Variants in CLOCK observed in about 807,000 individuals in gnomAD.
CLOCK encodes the protein clock circadian regulator.
A neutral mutation model predicts 118.4 loss-of-function variants in CLOCK; 43 were observed. The ratio of observed to expected loss-of-function variants is 0.36; its 90% CI spans 0.28 to 0.47. The LOEUF is 0.47. Ranked by LOEUF, CLOCK falls within the 20% of genes least tolerant of loss-of-function variation. CLOCK has a pLI of 1.00. For synonymous variants in CLOCK, 326 were observed against 339.2 expected (o/e 0.96, Z 0.43); for missense variants, 846 against 999.9 (o/e 0.85, Z 2.08).
At chr4:55,445,295 C>T (rs941577780) in intron 18 of CLOCK, among the ~76,000 whole-genome samples, 1 of 152,128 alleles carries the variant, frequency 6.6e-6, no homozygotes, top group African/African-American at 2.4e-5. Context: ...GGTGGCTTTC[C>T]AGCAAGTCTC....
Position 55,469,732 on chromosome 4 carries a change from G to C in CLOCK, c.438+985C>G, listed in dbSNP as rs556735598. 3.3e-5 allele frequency among the ~76,000 whole-genome samples: 5 copies of C among 152,172 alleles called. No homozygotes were observed. The East Asian group carries it at 9.7e-4, about 29-fold the overall frequency. ...ATGATATATTTGTGTTTCTGAGGCAGGGTCTTGCTCTGTCACCCAGGCTGG... is the reference window on the plus strand; with the variant it reads ...ATGATATATTTGTGTTTCTGAGGCACGGTCTTGCTCTGTCACCCAGGCTGG... On this transcript the variant is annotated intron_variant, in intron 8 of 22. Transcript: ENST00000513440.
At chr4:55,500,599 C>T (rs547277571) in intron 2 of CLOCK, among the ~76,000 whole-genome samples, 18 of 152,268 alleles carry the variant, frequency 1.2e-4, no homozygotes, top group African/African-American at 3.1e-4. Flanking sequence ...AATCCTCCTG[C>T]CGTGACCTCC....
At chr4:55,535,804 C>A (rs1322704455) in intron 1 of CLOCK, among the ~76,000 whole-genome samples, 1 of 137,954 alleles carries the variant, frequency 7.2e-6, no homozygotes, top group Non-Finnish European at 1.5e-5. Context: ...AGTGCAGTGG[C>A]ACAATCTTGG....
intron 2 of CLOCK, among the ~76,000 whole-genome samples, chr4:55,509,162 C>T (rs1728989715): frequency 6.6e-6 from 1 of 152,150 alleles, no homozygotes; most frequent in Non-Finnish European, 1.5e-5. Flanking sequence ...TGTTACCAGG[C>T]AATAGCAATT....
chr4:55,523,529 C>T, intron 1 of CLOCK, among the ~76,000 whole-genome samples: 1 of 152,084 alleles, frequency 6.6e-6, no homozygotes, highest in South Asian at 2.1e-4. Context: ...CATATCACAA[C>T]CAAATTTTTA....
At chr4:55,488,669 T>A (rs558959360) in intron 3 of CLOCK, among the ~76,000 whole-genome samples, 4 of 152,166 alleles carry the variant, frequency 2.6e-5, no homozygotes, top group Admixed American at 6.5e-5. Context: ...CAATTAAAAT[T>A]CCCCTTTTTC....
intron 18 of CLOCK, among the ~76,000 whole-genome samples, 178 bp downstream of exon 18, chr4:55,448,601 C>CGCGCGTGT (rs764071880): frequency 0.023 from 2,675 of 116,840 alleles, 45 homozygotes; most frequent in South Asian, 0.048. Flanking sequence ...CGCACGCGCG[C>CGCGCGTGT]GTGTGTGTGT....
intron 1 of CLOCK, among the ~76,000 whole-genome samples, chr4:55,520,221 C>T (rs988385589): frequency 6.6e-6 from 1 of 152,158 alleles, no homozygotes; most frequent in African/African-American, 2.4e-5. Context: ...AGGCCACCAA[C>T]AAAAACAACC....
intron 22 of CLOCK, among the ~76,000 whole-genome samples, chr4:55,437,485 T>C (rs151210118): frequency 2.9e-4 from 44 of 152,336 alleles, no homozygotes; most frequent in Non-Finnish European, 5.0e-4. Context: ...CTGTATCCTA[T>C]AGATAAGGAG....
At chr4:55,504,250 C>A (rs189466991) in intron 2 of CLOCK, among the ~76,000 whole-genome samples, 86 of 139,558 alleles carry the variant, frequency 6.2e-4, no homozygotes, top group African/African-American at 2.3e-3. Flanking sequence ...CGCACCACTG[C>A]ACTCCAGCCT....
At chr4:55,475,287 C>T (rs1460252919) in intron 7 of CLOCK, among the ~76,000 whole-genome samples, 1 of 152,158 alleles carries the variant, frequency 6.6e-6, no homozygotes, top group Admixed American at 6.5e-5. Context: ...CTGATTGCTG[C>T]AATCTGCTAA....
intron 19 of CLOCK, 33 bp from the exon 20 acceptor site, chr4:55,443,929 T>G (rs1416252642): frequency 6.3e-7 from 1 of 1,584,698 alleles, no homozygotes; most frequent in Non-Finnish European, 8.6e-7. Context: ...AAAATGAGCT[T>G]TGTAGATTGA....
intron 15 of CLOCK, among the ~76,000 whole-genome samples, chr4:55,451,019 T>C (rs566074812): frequency 6.6e-6 from 1 of 151,770 alleles, no homozygotes; most frequent in African/African-American, 2.4e-5. Context: ...TATACAAACA[T>C]GCTGTTATTT....
chr4:55,541,582 A>T (rs1731269985), intron 1 of CLOCK, among the ~76,000 whole-genome samples: 1 of 152,200 alleles, frequency 6.6e-6, no homozygotes, highest in Admixed American at 6.5e-5. Flanking sequence ...TGTGTGGAAG[A>T]GGTGACATAA....
chr4:55,495,877 C>T (rs921965485), intron 2 of CLOCK, among the ~76,000 whole-genome samples: 1 of 140,194 alleles, frequency 7.1e-6, no homozygotes, highest in Non-Finnish European at 1.6e-5. Flanking sequence ...AGACAAAAAA[C>T]ACAAACTTTT....
At chr4:55,454,641 GT>G (rs1205966525) in intron 13 of CLOCK, among the ~76,000 whole-genome samples, 2 of 148,254 alleles carry the variant, frequency 1.3e-5, no homozygotes, top group East Asian at 4.0e-4. Flanking sequence ...AAAAAAAAGG[GT>G]TTGTAGTTAA....
At position 55,448,793 on chromosome 4, in the gene CLOCK, G is replaced by C. The variant is rs1383100019; in HGVS notation, c.1525C>G (p.Gln509Glu). The change falls in exon 18 of 23, where the codon CAA (glutamine) becomes GAA (glutamate). Residue 509 changes from glutamine to glutamate, a missense_variant. Around this residue, in one of 4 missense-constraint regions of CLOCK, gnomAD observed 520 missense variants for 558.0 expected, o/e 0.93. Transcript: ENST00000513440. ...CCAAAAAGTACCTGGGACATGCCTT[G>C]TGGAATTGGTAAATTTGTAGCTTGA... ...MSQATNLPIPQGMSQFQFSAQ... is the reference protein window; with the variant it reads ...MSQATNLPIPEGMSQFQFSAQ... 1.2e-6 allele frequency: 2 copies of C among 1,613,690 alleles called. No homozygotes were observed. The highest frequency in any genetic ancestry group is 1.7e-5 in the Admixed American group (1 of 60,012).
chr4:55,430,477 T>A lies in CLOCK; in HGVS notation c.*4938A>T, dbSNP rs1186423552. 1 of 152,208 alleles carries A rather than the reference T, an allele frequency of 6.6e-6. No individual in the cohort carries two copies. 9.4% of individuals were successfully genotyped at this position (152,208 alleles called of 1,614,324 possible). On this transcript the variant is annotated 3_prime_UTR_variant, in exon 23 of 23. Transcript: ENST00000513440. ...AGTTTGCTTAATTTCTTGTGAACTG[T>A]TCAACACTGTTTTAAATATCCTGAA... is the stretch of plus-strand genomic sequence containing the variant.
intron 1 of CLOCK, among the ~76,000 whole-genome samples, chr4:55,535,672 T>G (rs566042862): frequency 1.3e-5 from 2 of 152,102 alleles, no homozygotes; most frequent in South Asian, 4.2e-4. Context: ...AAAATCATAT[T>G]TTTAAAGTTA....
Sources: allele counts gnomAD v4.1 joint callset (sites outside exome capture counted in the v4.1 genomes callset), GRCh38; gene constraint gnomAD v4.1.1; regional missense constraint gnomAD v4.1.1; transcripts MANE v1.5; gene names NCBI Gene and HGNC (gene_info 2026-07-23, HGNC 2026-07-21).